Variants in FUS observed in about 807,000 individuals in gnomAD.
FUS encodes RNA-binding protein FUS.
In FUS, 5 loss-of-function variants were observed where a neutral mutation model predicts 82.7. That is an observed-to-expected ratio of 0.06 (90% CI 0.03 to 0.13). The LOEUF is 0.13. Among genes scored for constraint, FUS ranks in the 10% least tolerant of loss-of-function variants. FUS has a pLI of 1.00. For missense variants in FUS, 512 were observed against 707.8 expected (o/e 0.72, Z 3.14); for synonymous variants, 281 against 247.4 (o/e 1.14, Z -1.27).
intron 9 of FUS, among the ~76,000 whole-genome samples, 184 bp downstream of exon 9, chr16:31,189,410 C>T (rs189362836): frequency 2.1e-4 from 32 of 152,284 alleles, no homozygotes; most frequent in Admixed American, 3.9e-4. Flanking sequence ...TCTATCTTAA[C>T]ACAAAAAGTA....
chr16:31,184,251 G>C lies in FUS; in HGVS notation c.378G>C (p.Gln126His), dbSNP rs764194698. 6.2e-7 allele frequency: 1 copy of C among 1,614,034 alleles called. No homozygotes were observed. The highest frequency in any genetic ancestry group is 8.5e-7 in the Non-Finnish European group (1 of 1,180,020). ...AGAGCAGCAGCTATGGGCAGCCCCAGAGTGGGAGCTACAGCCAGCAGCCTA... is the reference window on the plus strand; with the variant it reads ...AGAGCAGCAGCTATGGGCAGCCCCACAGTGGGAGCTACAGCCAGCAGCCTA... ...SSQSSSYGQPQSGSYSQQPSY... is the reference protein window; with the variant it reads ...SSQSSSYGQPHSGSYSQQPSY... The change falls in exon 5 of 15, where the codon CAG becomes CAC. Residue 126 changes from glutamine to histidine, a missense_variant. Around this residue, in one of 6 missense-constraint regions of FUS, gnomAD observed 276 missense variants for 303.3 expected, o/e 0.91. Transcript: ENST00000254108.
At chr16:31,183,739 C>T (rs773154884) in intron 3 of FUS, 119 bp from the exon 4 acceptor site, 3 of 1,258,108 alleles carry the variant, frequency 2.4e-6, no homozygotes, top group South Asian at 2.4e-5. Flanking sequence ...GTTGCAACAT[C>T]ACTAACAGCT....
chr16:31,194,040 A>G (rs548742722), downstream of FUS: 1 of 533,850 alleles, frequency 1.9e-6, no homozygotes, highest in East Asian at 3.9e-5. Context: ...CTAAGTAGGA[A>G]GTGAGGAGGG....
downstream of FUS, chr16:31,192,453 G>A (rs1567480710): frequency 1.9e-6 from 1 of 520,976 alleles, no homozygotes; most frequent in Non-Finnish European, 3.7e-6. Context: ...GAGCAGAAAG[G>A]TTTTATTTAC....
At chr16:31,192,015 T>C (rs1253624622), downstream of FUS, 1 of 533,358 alleles carries the variant, frequency 1.9e-6, no homozygotes, top group South Asian at 1.5e-5. Flanking sequence ...TGGAGAGCGC[T>C]TAGCCACTCT....
At chr16:31,193,200 C>T, downstream of FUS, 1 of 492,746 alleles carries the variant, frequency 2.0e-6, no homozygotes, top group South Asian at 1.5e-5. Context: ...CCTCAGCCTC[C>T]CAATAAACCA....
In FUS at chr16:31,184,440, T is replaced by G. The variant is rs772569159; in HGVS notation, c.523+44T>G. ...TGTCTGCAGCCCATTTTCTTTTTCT[T>G]TTTTTTTTTTTTTTTGAGACGGAGT... On this transcript the variant is annotated intron_variant, in intron 5 of 14. Coordinates refer to ENST00000254108, the MANE Select transcript of FUS (RefSeq NM_004960.4). The G allele has an allele frequency of 4.6e-6, 4 of 866,726 alleles. No homozygotes were observed. In the South Asian group the frequency reaches 6.9e-5, roughly 15 times the overall value. 53.7% of individuals were successfully genotyped at this position (866,726 alleles called of 1,614,324 possible).
intron 14 of FUS, 102 bp from the exon 15 acceptor site, chr16:31,191,297 T>A (rs2079354481): frequency 7.2e-6 from 11 of 1,524,790 alleles, no homozygotes; most frequent in Non-Finnish European, 1.0e-5. Flanking sequence ...TGAGATAAGA[T>A]ACTCGCTGGG....
chr16:31,190,942 A>C, intron 13 of FUS, 21 bp from the exon 14 acceptor site: 1 of 1,610,498 alleles, frequency 6.2e-7, no homozygotes, highest in East Asian at 2.2e-5. Flanking sequence ...AATATGATAG[A>C]TCTTGTTTCT....
At chr16:31,180,841 C>G (rs1388234474) in intron 1 of FUS, among the ~76,000 whole-genome samples, 4 of 152,054 alleles carry the variant, frequency 2.6e-5, no homozygotes, top group Non-Finnish European at 5.9e-5. Flanking sequence ...TCTAGCTTAA[C>G]GGTTTGGCGG....
chr16:31,191,159 A>G lies in FUS; in HGVS notation c.1541+49A>G, dbSNP rs1009111442. 5 of 1,602,924 alleles carry G rather than the reference A, an allele frequency of 3.1e-6. No individual in the cohort carries two copies. The African/African-American group carries it at 6.7e-5, about 21-fold the overall frequency. On this transcript the variant is annotated intron_variant, in intron 14 of 14. Transcript: ENST00000254108. ...AAAGTAGAGCAGTTGAACAGAGGCC[A>G]TAGGATAACAGGGTTTTGTTGAGAA...
At chr16:31,184,818 C>A in intron 5 of FUS, 121 bp from the exon 6 acceptor site, 1 of 962,556 alleles carries the variant, frequency 1.0e-6, no homozygotes, top group Non-Finnish European at 1.6e-6. Flanking sequence ...TGTTTCCTAG[C>A]TGTCTTTTTA....
downstream of FUS, chr16:31,193,882 A>G (rs1299640013): frequency 1.9e-6 from 1 of 527,912 alleles, no homozygotes; most frequent in South Asian, 1.5e-5. Flanking sequence ...ACTGGCCTCA[A>G]GTGACCTGCC....
chr16:31,189,034 T>C (rs1350642132), intron 8 of FUS, 89 bp from the exon 9 acceptor site: 4 of 947,556 alleles, frequency 4.2e-6, no homozygotes, highest in African/African-American at 1.6e-5. Flanking sequence ...ATGATACCAG[T>C]TGCTTGATGG....
Position 31,190,130 on chromosome 16 carries a change from G to A in FUS, c.1157G>A (p.Arg386Gln), listed in dbSNP as rs757832052. Residue 386 changes from arginine to glutamine, a missense_variant, in exon 11 of 15, where the codon CGA becomes CAA. Coordinates refer to ENST00000254108, the MANE Select transcript of FUS (RefSeq NM_004960.4). ...GGTGGTGGCAATGGTCGTGGAGGCC[G>A]AGGGCGAGGAGGTGAGGAGCTACCT... ...NRGGGNGRGG[R>Q]GRGGPMGRGG... is the part of the protein sequence containing the mutation. The A allele has an allele frequency of 3.1e-6, 5 of 1,614,132 alleles. No homozygotes were observed. The highest frequency in any genetic ancestry group is 1.1e-5 in the South Asian group (1 of 91,082).
At chr16:31,182,465 G>A (rs760482662) in intron 2 of FUS, 43 bp downstream of exon 2, 14 of 1,614,076 alleles carry the variant, frequency 8.7e-6, no homozygotes, top group Non-Finnish European at 1.2e-5. Flanking sequence ...AGAGGGCAAG[G>A]GTGGTCACGC....
chr16:31,192,547 C>T, downstream of FUS: 1 of 506,198 alleles, frequency 2.0e-6, no homozygotes, highest in South Asian at 1.5e-5. Flanking sequence ...TTGGGAAGTG[C>T]TTTCCTCTCA....
intron 3 of FUS, 137 bp downstream of exon 3, chr16:31,182,801 C>A: frequency 2.8e-6 from 3 of 1,069,672 alleles, no homozygotes; most frequent in Non-Finnish European, 2.8e-6. Context: ...ACTGCAACAT[C>A]AGCCTACCGG....
intron 1 of FUS, among the ~76,000 whole-genome samples, chr16:31,180,947 C>T (rs964719267): frequency 6.6e-6 from 1 of 151,734 alleles, no homozygotes; most frequent in Non-Finnish European, 1.5e-5. Context: ...CGGTCTTCCT[C>T]TGTCGCCCAG....
Sources: gnomAD v4.1 joint callset for allele counts (sites outside exome capture counted in the v4.1 genomes callset) on GRCh38, gnomAD v4.1.1 for gene constraint, gnomAD v4.1.1 regional missense constraint, MANE v1.5 for transcripts, NCBI Gene and HGNC (gene_info 2026-07-23, HGNC 2026-07-21) for gene names.